PDE4D: variants seen among roughly 807,000 people sequenced by gnomAD.
PDE4D encodes the protein 3',5'-cyclic-AMP phosphodiesterase 4D.
PDE4D carries 24 observed loss-of-function variants against 87.4 expected under a neutral mutation model. That is an observed-to-expected ratio of 0.27 (90% CI 0.20 to 0.39). The LOEUF is 0.39. Ranked by LOEUF, PDE4D falls within the 10% of genes least tolerant of loss-of-function variation. PDE4D has a pLI of 1.00. For missense variants in PDE4D, 714 were observed against 1,041.0 expected (o/e 0.69, Z 4.32); for synonymous variants, 384 against 383.2 (o/e 1.00, Z -0.02).
intron 2 of PDE4D, among the ~76,000 whole-genome samples, chr5:60,063,141 A>G (rs867975694): frequency 0.01 from 1,497 of 145,932 alleles, 10 homozygotes; most frequent in East Asian, 0.016. Context: ...AAAGAAAGAA[A>G]GAAAGAAAGA....
At chr5:59,517,895 T>TA (rs1162243579) in intron 1 of PDE4D, among the ~76,000 whole-genome samples, 3 of 152,152 alleles carry the variant, frequency 2.0e-5, no homozygotes, top group Non-Finnish European at 4.4e-5. Flanking sequence ...AAGTTTCCAG[T>TA]AAAAAAGATA....
chr5:60,020,602 TA>T (rs1765950812), intron 2 of PDE4D, among the ~76,000 whole-genome samples: 2 of 151,978 alleles, frequency 1.3e-5, no homozygotes, highest in African/African-American at 4.8e-5. Flanking sequence ...AGAAAAAAGA[TA>T]ATATACAGAG....
rs58034946 is a variant in PDE4D at position 60,450,050 on chromosome 5, TA to T, written c.-90+37891del. 4.1e-3 allele frequency among the ~76,000 whole-genome samples: 554 copies of T among 135,958 alleles called. 1 individual carries two copies. Among genetic ancestry groups the T allele is most frequent in the Non-Finnish European group, 3.1e-3 (190 of 62,216 alleles). The allele number at this position is 135,958 out of a possible 152,430, so 89.2% of individuals were successfully genotyped here. A position where few individuals can be genotyped will look rare whatever the true frequency, so the allele number is the denominator to read the frequency against. ...ACAAGTCAATAAAATTTTTTTTCAG[TA>T]AAAAAAAAAAAAGAAACTAAAGTAA... On this transcript the variant is annotated intron_variant, in intron 1 of 16. Transcript: ENST00000502484.
chr5:60,198,655 G>A (rs1246002321), intron 1 of PDE4D, among the ~76,000 whole-genome samples: 1 of 151,438 alleles, frequency 6.6e-6, no homozygotes, highest in Non-Finnish European at 1.5e-5. Flanking sequence ...TTATTACTTT[G>A]TCCCCTGATA....
intron 1 of PDE4D, among the ~76,000 whole-genome samples, chr5:59,476,813 A>G (rs1163725634): frequency 2.0e-5 from 3 of 152,090 alleles, no homozygotes; most frequent in Non-Finnish European, 2.9e-5. Context: ...TATCTATCCA[A>G]AAATTACAAA....
chr5:60,276,051 T>C (rs544126689), intron 1 of PDE4D, among the ~76,000 whole-genome samples: 223 of 152,340 alleles, frequency 1.5e-3, no homozygotes, highest in African/African-American at 5.2e-3. Flanking sequence ...CATGGCCTAA[T>C]CATCTGTATT....
chr5:59,733,552 T>C (rs999955029), intron 1 of PDE4D, among the ~76,000 whole-genome samples: 1 of 152,148 alleles, frequency 6.6e-6, no homozygotes, highest in Non-Finnish European at 1.5e-5. Flanking sequence ...TTTCTACTTA[T>C]GATTACATGG....
chr5:60,362,940 A>G (rs544782629), intron 1 of PDE4D, among the ~76,000 whole-genome samples: 9 of 152,246 alleles, frequency 5.9e-5, no homozygotes, highest in Admixed American at 5.2e-4. Context: ...TTGGTTCCCA[A>G]TGAGCCACTT....
In PDE4D at chr5:59,195,605, G is replaced by A. The variant is rs375556424; in HGVS notation, c.648-2069C>T. On this transcript the variant is annotated intron_variant, in intron 2 of 14. Coordinates refer to ENST00000340635, the MANE Select transcript of PDE4D (RefSeq NM_001104631.2). ...TACTCTCTGATGGAAGTTTGGGTTG[G>A]AATTTCAGCTCTGCCACATACTAGG... Among the ~76,000 whole-genome samples the A allele has an allele frequency of 4.6e-5, 7 of 152,292 alleles. No individual in the cohort carries two copies. In the East Asian group the frequency reaches 1.3e-3, roughly 29 times the overall value.
At chr5:60,441,955 G>C (rs568706798) in intron 1 of PDE4D, among the ~76,000 whole-genome samples, 148 of 152,292 alleles carry the variant, frequency 9.7e-4, no homozygotes, top group African/African-American at 3.5e-3. Flanking sequence ...TGCTGGAGAG[G>C]ATGTGGAGAA....
intron 1 of PDE4D, among the ~76,000 whole-genome samples, chr5:60,337,915 C>A (rs150188685): frequency 8.0e-5 from 12 of 150,746 alleles, no homozygotes; most frequent in African/African-American, 2.7e-4. Context: ...CAAACAGAAA[C>A]AAATAATAAT....
chr5:60,098,417 T>C (rs1042699286), intron 2 of PDE4D, among the ~76,000 whole-genome samples: 1 of 151,940 alleles, frequency 6.6e-6, no homozygotes, highest in Non-Finnish European at 1.5e-5. Flanking sequence ...TACATAGACA[T>C]AAAATATGTT....
intron 2 of PDE4D, among the ~76,000 whole-genome samples, chr5:60,140,512 A>C (rs986227832): frequency 2.0e-5 from 3 of 151,326 alleles, no homozygotes; most frequent in African/African-American, 7.3e-5. Context: ...AACATTTAAA[A>C]GAAAGAAAGA....
At chr5:60,070,861 G>A (rs185184929) in intron 2 of PDE4D, among the ~76,000 whole-genome samples, 1 of 152,032 alleles carries the variant, frequency 6.6e-6, no homozygotes, top group East Asian at 1.9e-4. Context: ...ATCTATACTA[G>A]TTATAGGTCT....
chr5:59,674,860 A>G (rs1466469548), intron 1 of PDE4D, among the ~76,000 whole-genome samples: 1 of 152,252 alleles, frequency 6.6e-6, no homozygotes, highest in Admixed American at 6.5e-5. Context: ...GCACTTGGCC[A>G]CAATGCATAG....
intron 3 of PDE4D, among the ~76,000 whole-genome samples, chr5:59,969,019 C>A (rs1760401684): frequency 7.1e-6 from 1 of 140,516 alleles, no homozygotes; most frequent in Non-Finnish European, 1.5e-5. Flanking sequence ...AGAGAAGCAT[C>A]TTGATATAAT....
intron 6 of PDE4D, among the ~76,000 whole-genome samples, chr5:59,019,669 T>G (rs182808777): frequency 3.3e-4 from 51 of 152,292 alleles, no homozygotes; most frequent in Admixed American, 2.4e-3. Flanking sequence ...CCCTATTAGA[T>G]GCCTATATAA....
chr5:59,392,889 G>T (rs1398894355), intron 1 of PDE4D, among the ~76,000 whole-genome samples: 2 of 152,150 alleles, frequency 1.3e-5, no homozygotes, highest in Non-Finnish European at 2.9e-5. Flanking sequence ...CGAGTCTGGA[G>T]GTTGATGCCT....
At position 59,082,525 on chromosome 5, in the gene PDE4D, C is replaced by CA. The variant is rs1368758377; in HGVS notation, c.809-43555dup. On this transcript the variant is annotated intron_variant, in intron 5 of 14. Transcript: ENST00000340635. ...TCAAACATTATAAAGCATGTATCCA[C>CA]AACAGGTTTTTTTCTATATACCAGT... 3.3e-5 allele frequency among the ~76,000 whole-genome samples: 5 copies of CA among 152,114 alleles called. No individual in the cohort carries two copies. In the South Asian group the frequency reaches 1.0e-3, roughly 32 times the overall value.
Sources: allele counts gnomAD v4.1 joint callset (sites outside exome capture counted in the v4.1 genomes callset), GRCh38; gene constraint gnomAD v4.1.1; transcripts MANE v1.5; gene names NCBI Gene and HGNC (gene_info 2026-07-23, HGNC 2026-07-21).